FCSK: variants seen among roughly 807,000 people sequenced by gnomAD.
The protein encoded by FCSK is fucose kinase, also known as L-fucose kinase.
FCSK carries 123 observed loss-of-function variants against 122.5 expected under a neutral mutation model. The ratio of observed to expected loss-of-function variants is 1.00; its 90% CI spans 0.87 to 1.17. The LOEUF (loss-of-function observed/expected upper bound fraction) is 1.17. Ranked by LOEUF, FCSK falls within the 50% of genes most tolerant of loss-of-function variation. FCSK has a pLI of 0.00. For synonymous variants in FCSK, 620 were observed against 625.5 expected (o/e 0.99, Z 0.13); for missense variants, 1,366 against 1,450.4 (o/e 0.94, Z 0.95).
At chr16:70,463,918 A>G in intron 3 of FCSK, 144 bp downstream of exon 3, 1 of 890,586 alleles carries the variant, frequency 1.1e-6, no homozygotes, top group East Asian at 2.7e-5. Context: ...GGGCGGACTC[A>G]TCTCTGCCTT....
rs17880268 is a variant in FCSK at position 70,466,167 on chromosome 16, T to C, written c.321T>C (p.Ala107=). ...RDFPFDDCGR[A]FTCLPVENPE... is the part of the protein sequence containing the mutation. ...TCCCCTTTGATGACTGTGGCAGGGC[T>C]TTCACCTGCCTCCCCGTGGAGAACC... The change falls in exon 5 of 24, where the codon GCT becomes GCC. Residue 107 remains alanine, a synonymous_variant. Transcript: ENST00000288078. The C allele has an allele frequency of 0.013, 21,550 of 1,613,766 alleles. 2,616 individuals are homozygous for C. In the African/African-American group the frequency reaches 0.26, roughly 19 times the overall value.
At chr16:70,459,656 CTTTT>C (rs1333103356) in intron 1 of FCSK, among the ~76,000 whole-genome samples, 1 of 130,012 alleles carries the variant, frequency 7.7e-6, no homozygotes, top group Admixed American at 7.8e-5. Flanking sequence ...ATTTCTCCGT[CTTTT>C]TTTTTTTTTT....
chr16:70,460,552 G>A (rs1219773178), intron 1 of FCSK, among the ~76,000 whole-genome samples: 2 of 151,614 alleles, frequency 1.3e-5, no homozygotes, highest in East Asian at 1.9e-4. Context: ...CTACAGGCAC[G>A]TGCCACCACA....
intron 1 of FCSK, among the ~76,000 whole-genome samples, chr16:70,455,580 C>T (rs1032212383): frequency 2.0e-5 from 3 of 150,844 alleles, no homozygotes; most frequent in Admixed American, 1.3e-4. Context: ...TGTGTAACTC[C>T]AGCAAACTAT....
chr16:70,467,274 G>A (rs930681192), intron 6 of FCSK, 100 bp from the exon 7 acceptor site: 1 of 755,476 alleles, frequency 1.3e-6, no homozygotes, highest in Non-Finnish European at 2.2e-6. Context: ...TTTTAGAGGT[G>A]CCCAGGTGCC....
At chr16:70,459,351 A>G (rs1477928256) in intron 1 of FCSK, among the ~76,000 whole-genome samples, 1 of 152,154 alleles carries the variant, frequency 6.6e-6, no homozygotes, top group Non-Finnish European at 1.5e-5. Context: ...AGCCTGGCCA[A>G]CATGGTGAAA....
chr16:70,475,227 T>G, intron 18 of FCSK, 123 bp from the exon 19 acceptor site: 1 of 1,201,642 alleles, frequency 8.3e-7, no homozygotes. Flanking sequence ...ATGGGGCCAG[T>G]ACTGCTGCTG....
chr16:70,479,358 G>T lies in FCSK; in HGVS notation c.3108G>T (p.Glu1036Asp). 3 of 1,613,974 alleles carry T rather than the reference G, an allele frequency of 1.9e-6. No individual in the cohort carries two copies. Among genetic ancestry groups the T allele is most frequent in the Non-Finnish European group, 2.5e-6 (3 of 1,180,016 alleles). ...GGGFLYLLTK[E>D]PQQKEALEAV... ...GCTTTCTCTATCTGTTGACCAAGGA[G>T]CCACAGCAAAAGGAGGCCTTGGAGG... Residue 1036 changes from glutamate to aspartate, a missense_variant, in exon 23 of 24, where the codon GAG becomes GAT. Coordinates refer to ENST00000288078, the MANE Select transcript of FCSK (RefSeq NM_145059.3).
chr16:70,454,685 G>GCGCCCCCTC (rs1324462492), intron 1 of FCSK, 55 bp downstream of exon 1: 3 of 150,666 alleles, frequency 2.0e-5, no homozygotes, highest in African/African-American at 7.4e-5. Flanking sequence ...TGCGCCCCTT[G>GCGCCCCCTC]CGCCCCCTCA....
intron 10 of FCSK, 37 bp downstream of exon 10, chr16:70,469,360 C>A: frequency 1.3e-6 from 2 of 1,540,076 alleles, no homozygotes; most frequent in Non-Finnish European, 1.7e-6. Context: ...GGTGGGGAGA[C>A]CATGGGAGTG....
chr16:70,471,045 G>T lies in FCSK; in HGVS notation c.1143G>T (p.Gly381=), dbSNP rs1368006209. The T allele has an allele frequency of 6.2e-7, 1 of 1,603,034 alleles. No individual in the cohort carries two copies. ...AGGGCCCTGTCCAGCTGGGTCCTGG[G>T]AGCGTCCTGCAGCACTGCCACCTGC... ...LLEGPVQLGP[G]SVLQHCHLQG... is the part of the protein sequence containing the mutation. Residue 381 remains glycine, a synonymous_variant, in exon 12 of 24, where the codon GGG becomes GGT. Transcript: ENST00000288078.
At position 70,475,348 on chromosome 16, in the gene FCSK, AG is replaced by A; in HGVS notation, c.2380del. ...TCCTTTCTCATGCCTGTCCTTCTGC[AG>A]GGGCCCTGCTGAAGGCGGCCTTCAT... On this transcript the variant is annotated splice_acceptor_variant, in intron 18 of 23. Transcript: ENST00000288078. LOFTEE classifies it high-confidence loss of function. 6.2e-7 allele frequency: 1 copy of A among 1,609,246 alleles called. No individual in the cohort carries two copies.
In FCSK at chr16:70,469,293, A is replaced by G; in HGVS notation, c.925A>G (p.Arg309Gly). Residue 309 changes from arginine (R) to glycine (G), a missense_variant, in exon 10 of 24, where the codon AGG (arginine) becomes GGG (glycine). By Grantham distance (125) the Arg-to-Gly change is moderately radical (BLOSUM62 -2). Coordinates refer to ENST00000288078, the MANE Select transcript of FCSK (RefSeq NM_145059.3). Reference sequence around the variant, plus strand: ...GCAGAGCGCCCGGGCCCAGCTGTGGAGGGAGCTTCGCGATCAGCCCCTTAC... The same window carrying G: ...GCAGAGCGCCCGGGCCCAGCTGTGGGGGGAGCTTCGCGATCAGCCCCTTAC... ...YLQSARAQLWRELRDQPLTMA... is the reference protein window; with the variant it reads ...YLQSARAQLWGELRDQPLTMA... 6.2e-7 allele frequency: 1 copy of G among 1,609,650 alleles called. No individual in the cohort carries two copies. Among genetic ancestry groups the G allele is most frequent in the African/African-American group, 1.3e-5 (1 of 74,980 alleles).
chr16:70,457,772 T>G (rs930699308), intron 1 of FCSK: 1 of 151,676 alleles, frequency 6.6e-6, no homozygotes, highest in African/African-American at 2.4e-5. Context: ...TTGTTTTTTT[T>G]TTTTTGGTAG....
chr16:70,478,979 G>A, intron 22 of FCSK: 1 of 662,828 alleles, frequency 1.5e-6, no homozygotes, highest in Non-Finnish European at 2.7e-6. Flanking sequence ...CGACTATGCT[G>A]GGTGTGGTGT....
intron 3 of FCSK, 28 bp from the exon 4 acceptor site, chr16:70,465,098 T>C (rs2048376810): frequency 1.2e-6 from 2 of 1,613,002 alleles, no homozygotes; most frequent in East Asian, 4.5e-5. Context: ...CTGAGGCCTC[T>C]GTTCACAGGG....
At chr16:70,467,836 C>G in intron 7 of FCSK, 50 bp from the exon 8 acceptor site, 1 of 1,526,568 alleles carries the variant, frequency 6.6e-7, no homozygotes. Flanking sequence ...TGGCCTCCTT[C>G]CAGATCCCTT....
chr16:70,467,805 C>G (rs1044802403), intron 7 of FCSK, 81 bp from the exon 8 acceptor site: 3 of 1,204,074 alleles, frequency 2.5e-6, no homozygotes, highest in African/African-American at 3.0e-5. Context: ...TGGAGAATGC[C>G]CTTGCTGCCA....
rs532360557 is a variant in FCSK, at chr16:70,475,095, C to T, written c.2377+84C>T. ...GCTAGAGACTGCAGGCCAGTGGGGTCTGGCCTGAGGGCCAGCCAGTCTGGC... is the reference window on the plus strand; with the variant it reads ...GCTAGAGACTGCAGGCCAGTGGGGTTTGGCCTGAGGGCCAGCCAGTCTGGC... On this transcript the variant is annotated intron_variant, in intron 18 of 23. Coordinates refer to ENST00000288078, the MANE Select transcript of FCSK (RefSeq NM_145059.3). 1.1e-5 allele frequency: 14 copies of T among 1,328,936 alleles called. No homozygotes were observed. The South Asian group carries it at 1.8e-4, about 17-fold the overall frequency. 82.3% of individuals were successfully genotyped at this position (1,328,936 alleles called of 1,614,324 possible).
Sources: allele counts gnomAD v4.1 joint callset (sites outside exome capture counted in the v4.1 genomes callset), GRCh38; gene constraint gnomAD v4.1.1; transcripts MANE v1.5; gene names NCBI Gene and HGNC (gene_info 2026-07-23, HGNC 2026-07-21).